The following TOX variants were observed in gnomAD, a reference collection of about 807,000 sequenced individuals.
The protein encoded by TOX is thymocyte selection associated high mobility group box.
In TOX, 11 loss-of-function variants were observed where a neutral mutation model predicts 53.7. The ratio of observed to expected loss-of-function variants is 0.20; its 90% CI spans 0.13 to 0.34. TOX has a LOEUF of 0.34. TOX is among the 10% of genes least tolerant of loss of function. The probability of loss-of-function intolerance (pLI) is 1.00; values close to 1 mark genes in which losing one functional copy is unlikely to be tolerated. For synonymous variants in TOX, 225 were observed against 245.3 expected (o/e 0.92, Z 0.77); for missense variants, 570 against 664.6 (o/e 0.86, Z 1.56).
intron 4 of TOX, among the ~76,000 whole-genome samples, chr8:58,842,209 C>G (rs780977428): frequency 1.3e-4 from 20 of 151,988 alleles, no homozygotes; most frequent in Non-Finnish European, 2.9e-4. Flanking sequence ...AGTCAGGAGA[C>G]TGGGGTGAGT....
intron 1 of TOX, among the ~76,000 whole-genome samples, chr8:59,075,118 C>T (rs1408448381): frequency 6.6e-6 from 1 of 152,104 alleles, no homozygotes; most frequent in East Asian, 1.9e-4. Flanking sequence ...AAGGAGACTC[C>T]TAGATTTTTA....
At chr8:58,886,145 T>C (rs917453994) in intron 3 of TOX, among the ~76,000 whole-genome samples, 1 of 152,118 alleles carries the variant, frequency 6.6e-6, no homozygotes, top group Non-Finnish European at 1.5e-5. Context: ...ACAGTCTTTT[T>C]ACCTGGCCAT....
chr8:58,896,195 C>T (rs1284823513), intron 3 of TOX, among the ~76,000 whole-genome samples: 2 of 152,054 alleles, frequency 1.3e-5, no homozygotes, highest in South Asian at 2.1e-4. Context: ...CAGGCCATGG[C>T]CAGCCCACAT....
chr8:59,112,497 G>C (rs1170505998), intron 1 of TOX, among the ~76,000 whole-genome samples: 1 of 152,178 alleles, frequency 6.6e-6, no homozygotes, highest in Non-Finnish European at 1.5e-5. Flanking sequence ...TAGTTTCCTA[G>C]TGGACAGCCC....
At chr8:59,064,899 G>C (rs1239131287) in intron 1 of TOX, among the ~76,000 whole-genome samples, 2 of 151,966 alleles carry the variant, frequency 1.3e-5, no homozygotes, top group Admixed American at 6.6e-5. Context: ...TGTTAATTTG[G>C]ATCAATCTTC....
intron 1 of TOX, among the ~76,000 whole-genome samples, chr8:59,069,017 C>A (rs1299444117): frequency 1.3e-5 from 2 of 152,102 alleles, no homozygotes; most frequent in African/African-American, 4.8e-5. Context: ...AACAGCAAGG[C>A]TCATGAAGGT....
At chr8:59,047,553 A>C in intron 1 of TOX, among the ~76,000 whole-genome samples, 1 of 147,918 alleles carries the variant, frequency 6.8e-6, no homozygotes, top group Non-Finnish European at 1.5e-5. Flanking sequence ...GCCCTTAGAG[A>C]CTCATCAGAG....
At chr8:58,952,502 T>A (rs62508363) in intron 2 of TOX, among the ~76,000 whole-genome samples, 10,725 of 152,274 alleles carry the variant, frequency 0.07, 569 homozygotes, top group Admixed American at 0.16. Flanking sequence ...GTTCAAAATA[T>A]AATTGTAAAC....
At chr8:59,038,924 G>A (rs1803520034) in intron 1 of TOX, among the ~76,000 whole-genome samples, 1 of 152,252 alleles carries the variant, frequency 6.6e-6, no homozygotes, top group Admixed American at 6.5e-5. Context: ...GCAGTGTGAT[G>A]TGATGAAATC....
chr8:58,992,951 A>G (rs1813484332), intron 1 of TOX: 2 of 152,224 alleles, frequency 1.3e-5, no homozygotes, highest in South Asian at 4.1e-4. Flanking sequence ...TGGATACCCA[A>G]GTAAAGAAAA....
intron 1 of TOX, among the ~76,000 whole-genome samples, chr8:59,068,229 T>G (rs1804129947): frequency 6.6e-6 from 1 of 152,054 alleles, no homozygotes; most frequent in African/African-American, 2.4e-5. Flanking sequence ...GTGAAAATAA[T>G]AATTGTTTAA....
intron 1 of TOX, among the ~76,000 whole-genome samples, chr8:59,049,430 C>G (rs1268228874): frequency 6.6e-6 from 1 of 152,048 alleles, no homozygotes; most frequent in Non-Finnish European, 1.5e-5. Context: ...CTGAAAAGAT[C>G]TAGAACTTCA....
intron 3 of TOX, among the ~76,000 whole-genome samples, chr8:58,872,318 G>T (rs568356454): frequency 6.6e-6 from 1 of 152,174 alleles, no homozygotes; most frequent in South Asian, 2.1e-4. Flanking sequence ...CACATATGAA[G>T]GAGAACATAC....
intron 1 of TOX, among the ~76,000 whole-genome samples, chr8:59,017,744 A>C (rs1563419647): frequency 2.0e-5 from 3 of 152,234 alleles, no homozygotes; most frequent in Non-Finnish European, 2.9e-5. Context: ...ATTATATTAC[A>C]AACTCGGAAC....
chr8:59,096,876 T>A (rs1206308395), intron 1 of TOX, among the ~76,000 whole-genome samples: 1 of 152,226 alleles, frequency 6.6e-6, no homozygotes, highest in African/African-American at 2.4e-5. Flanking sequence ...CACACACAAA[T>A]CTACAGGCAT....
chr8:58,822,813 G>T (rs1418069328), intron 6 of TOX, among the ~76,000 whole-genome samples: 1 of 152,216 alleles, frequency 6.6e-6, no homozygotes, highest in Admixed American at 6.5e-5. Flanking sequence ...TGAGGGTAGA[G>T]AAAAGCCTAA....
chr8:58,882,847 A>AGATTCTTC (rs776805347), intron 3 of TOX, among the ~76,000 whole-genome samples: 6 of 152,160 alleles, frequency 3.9e-5, no homozygotes, highest in Admixed American at 1.3e-4. Context: ...ATCAACTCTA[A>AGATTCTTC]GATTCTTCGA....
At chr8:58,929,171 C>T (rs1298692096) in intron 3 of TOX, among the ~76,000 whole-genome samples, 1 of 151,884 alleles carries the variant, frequency 6.6e-6, no homozygotes, top group Non-Finnish European at 1.5e-5. Flanking sequence ...ATTTAACTAT[C>T]ATTTTTGTGA....
At chr8:59,018,142 C>A (rs1814050284) in intron 1 of TOX, among the ~76,000 whole-genome samples, 1 of 152,086 alleles carries the variant, frequency 6.6e-6, no homozygotes, top group Non-Finnish European at 1.5e-5. Context: ...CACTGTTCAA[C>A]AAAATATTTT....
Sources: allele counts gnomAD v4.1 joint callset (sites outside exome capture counted in the v4.1 genomes callset), GRCh38; gene constraint gnomAD v4.1.1; transcripts MANE v1.5; gene names NCBI Gene and HGNC (gene_info 2026-07-23, HGNC 2026-07-21).